Variants in TYW1 observed in about 807,000 individuals in gnomAD.
The protein encoded by TYW1 is tRNA-yW synthesizing protein 1 homolog, also known as S-adenosyl-L-methionine-dependent tRNA 4-demethylwyosine synthase TYW1.
TYW1 carries 46 observed loss-of-function variants against 96.2 expected under a neutral mutation model. The ratio of observed to expected loss-of-function variants is 0.48; its 90% confidence interval spans 0.38 to 0.61. TYW1 has a LOEUF of 0.61. Ranked by LOEUF, TYW1 falls within the 20% of genes least tolerant of loss-of-function variation. The probability of loss-of-function intolerance (pLI) is 0.00; values close to 1 mark genes in which losing one functional copy is unlikely to be tolerated. For synonymous variants in TYW1, 274 were observed against 323.0 expected (o/e 0.85, Z 1.63); for missense variants, 684 against 909.6 (o/e 0.75, Z 3.19).
intron 4 of TYW1, among the ~76,000 whole-genome samples, chr7:67,013,900 C>T (rs1192540777): frequency 2.6e-5 from 4 of 151,890 alleles, no homozygotes; most frequent in Non-Finnish European, 4.4e-5. Flanking sequence ...CCCGCCACCA[C>T]GCCCGGCTAA....
rs1793260912 is a variant in TYW1 at position 66,998,208 on chromosome 7, A to T, written c.135+13A>T. ...CATCAAGACGCAGGTAAGTGGAGTTATTTTTTTTTTAATGGAGTATTTAGG... is the reference window on the plus strand; with the variant it reads ...CATCAAGACGCAGGTAAGTGGAGTTTTTTTTTTTTTAATGGAGTATTTAGG... On this transcript the variant is annotated intron_variant, in intron 2 of 15. Transcript: ENST00000359626. 1 of 1,412,264 alleles carries T rather than the reference A, an allele frequency of 7.1e-7. No individual in the cohort carries two copies. Among genetic ancestry groups the T allele is most frequent in the Non-Finnish European group, 9.6e-7 (1 of 1,045,510 alleles). 87.5% of individuals were successfully genotyped at this position (1,412,264 alleles called of 1,614,324 possible). A position where few individuals can be genotyped will look rare whatever the true frequency, so the allele number is the denominator to read the frequency against.
chr7:67,223,507 T>C (rs1801462582), intron 15 of TYW1, among the ~76,000 whole-genome samples: 1 of 151,906 alleles, frequency 6.6e-6, no homozygotes, highest in African/African-American at 2.4e-5. Flanking sequence ...TCTTAGTCTT[T>C]AATGTACACC....
At chr7:67,235,904 A>AAAG (rs1801869684) in intron 15 of TYW1, among the ~76,000 whole-genome samples, 1 of 136,742 alleles carries the variant, frequency 7.3e-6, no homozygotes, top group South Asian at 2.4e-4. Context: ...AAAAAAAAAA[A>AAAG]AAAAAAGAAA....
intron 3 of TYW1, among the ~76,000 whole-genome samples, chr7:67,002,074 G>A (rs1793413396): frequency 1.3e-5 from 2 of 151,082 alleles, no homozygotes; most frequent in Non-Finnish European, 3.0e-5. Flanking sequence ...AAGAGATAGG[G>A]TCTTGCTCTG....
chr7:67,200,026 A>G (rs529760442), intron 15 of TYW1, among the ~76,000 whole-genome samples: 1 of 152,332 alleles, frequency 6.6e-6, no homozygotes, highest in East Asian at 1.9e-4. Context: ...CAGTTAATAA[A>G]TAGTTGTTAC....
At chr7:67,105,246 C>T (rs1356397174) in intron 12 of TYW1, among the ~76,000 whole-genome samples, 1 of 152,312 alleles carries the variant, frequency 6.6e-6, no homozygotes, top group East Asian at 1.9e-4. Flanking sequence ...CAGGAGGAGT[C>T]GATGGCCACA....
intron 6 of TYW1, among the ~76,000 whole-genome samples, chr7:67,021,952 T>C (rs1296367335): frequency 5.9e-5 from 9 of 152,236 alleles, no homozygotes; most frequent in Admixed American, 5.9e-4. Flanking sequence ...GGCTGGTCTG[T>C]TCCCCAGGCT....
intron 13 of TYW1, among the ~76,000 whole-genome samples, chr7:67,139,728 G>GGT (rs55993805): frequency 0.24 from 32,772 of 138,054 alleles, 3,637 homozygotes; most frequent in Middle Eastern, 0.32. Context: ...TGTGTATACA[G>GGT]GTGTGTGTGT....
intron 13 of TYW1, among the ~76,000 whole-genome samples, chr7:67,142,985 G>A (rs1167912643): frequency 2.0e-5 from 3 of 151,392 alleles, no homozygotes; most frequent in East Asian, 2.0e-4. Context: ...CCCGGGGGGC[G>A]GAAGTTGAAA....
intron 15 of TYW1, among the ~76,000 whole-genome samples, chr7:67,200,491 A>C (rs1279698621): frequency 6.6e-6 from 1 of 151,714 alleles, no homozygotes; most frequent in African/African-American, 2.4e-5. Flanking sequence ...AAACCATCGG[A>C]TCTCATGAGC....
chr7:67,044,556 T>C (rs1307172615), intron 7 of TYW1, among the ~76,000 whole-genome samples: 1 of 152,200 alleles, frequency 6.6e-6, no homozygotes, highest in East Asian at 1.9e-4. Context: ...CTGGCATGGC[T>C]CCAGGCCTAG....
chr7:67,034,086 ATTTAT>A (rs1236368421), intron 7 of TYW1, among the ~76,000 whole-genome samples: 1 of 143,420 alleles, frequency 7.0e-6, no homozygotes, highest in African/African-American at 2.6e-5. Flanking sequence ...GTTTCATTTA[ATTTAT>A]TTATTTATTT....
chr7:67,136,650 CGTGTGTGTGTGT>C lies in TYW1; in HGVS notation c.1698+19057_1698+19068del, dbSNP rs59522817. On this transcript the variant is annotated intron_variant, in intron 13 of 15. Coordinates refer to ENST00000359626, the MANE Select transcript of TYW1 (RefSeq NM_018264.4). The stretch of plus-strand genomic sequence containing the variant: ...AGTATGTGTGTGTGTTTATACAGTG[CGTGTGTGTGTGT>C]GTGTGTGTGTGTGTGTGTGTGTGTA... Among the ~76,000 whole-genome samples, 95 of 144,078 alleles carry C rather than the reference CGTGTGTGTGTGT, an allele frequency of 6.6e-4. No homozygotes were observed. The South Asian group carries it at 9.8e-3, about 15-fold the overall frequency. 94.5% of individuals were successfully genotyped at this position (144,078 alleles called of 152,430 possible).
intron 15 of TYW1, among the ~76,000 whole-genome samples, chr7:67,236,448 C>A (rs1801894081): frequency 6.6e-6 from 1 of 152,166 alleles, no homozygotes; most frequent in Non-Finnish European, 1.5e-5. Context: ...CAGGGAGAAT[C>A]GATGGAGGTG....
chr7:67,046,246 C>A (rs751100051), intron 7 of TYW1, among the ~76,000 whole-genome samples: 1 of 152,156 alleles, frequency 6.6e-6, no homozygotes, highest in Non-Finnish European at 1.5e-5. Context: ...TCTTAATTCT[C>A]TCTTTTCCCT....
chr7:67,049,640 G>C (rs1222578900), intron 7 of TYW1, among the ~76,000 whole-genome samples: 3 of 151,814 alleles, frequency 2.0e-5, no homozygotes, highest in Non-Finnish European at 4.4e-5. Flanking sequence ...TTCGTTTTCT[G>C]GGTTCAAGTG....
At chr7:67,045,200 A>AT (rs143079125) in intron 7 of TYW1, among the ~76,000 whole-genome samples, 2,790 of 150,420 alleles carry the variant, frequency 0.019, 84 homozygotes, top group African/African-American at 0.064. Context: ...GTATCGTATG[A>AT]TTTTTTTTTT....
At chr7:67,005,212 C>A (rs1035073088) in intron 3 of TYW1, among the ~76,000 whole-genome samples, 8 of 152,138 alleles carry the variant, frequency 5.3e-5, no homozygotes, top group African/African-American at 1.4e-4. Context: ...TCTTTCATTT[C>A]GACTGGAGAA....
At chr7:67,038,823 G>T (rs560180056) in intron 7 of TYW1, among the ~76,000 whole-genome samples, 1 of 151,986 alleles carries the variant, frequency 6.6e-6, no homozygotes, top group African/African-American at 2.4e-5. Flanking sequence ...AGAATCGCTT[G>T]AACCCCAGAA....
Sources: gnomAD v4.1 joint callset for allele counts (sites outside exome capture counted in the v4.1 genomes callset) on GRCh38, gnomAD v4.1.1 for gene constraint, MANE v1.5 for transcripts, NCBI Gene and HGNC (gene_info 2026-07-23, HGNC 2026-07-21) for gene names.